Variants in NALF1 observed in about 807,000 individuals in gnomAD.
The protein encoded by NALF1 is family with sequence similarity 155 member A.
NALF1 carries 3 observed loss-of-function variants against 48.4 expected under a neutral mutation model. The ratio of observed to expected loss-of-function variants is 0.06; its 90% CI spans 0.03 to 0.16. The LOEUF is 0.16. Among genes scored for constraint, NALF1 ranks in the 10% least tolerant of loss-of-function variants. The pLI is 1.00. For missense variants in NALF1, 526 were observed against 571.5 expected, an observed-to-expected ratio of 0.92 and a Z score of 0.81; for synonymous variants, 262 against 245.7, an observed-to-expected ratio of 1.07 and a Z score of -0.62.
intron 1 of NALF1, among the ~76,000 whole-genome samples, chr13:107,860,455 G>A (rs1435178649): frequency 6.6e-6 from 1 of 152,142 alleles, no homozygotes; most frequent in Non-Finnish European, 1.5e-5. Flanking sequence ...AGAATCACCA[G>A]GGAGACTTTG....
Position 107,362,624 on chromosome 13 carries a change from C to T in NALF1, c.916-151869G>A, listed in dbSNP as rs776865690. Reference sequence around the variant, plus strand: ...CCTCATCTTAATCATCTGTGAAGGCCTTATTTCCAAATAAGGTCACATTAA... The same window carrying T: ...CCTCATCTTAATCATCTGTGAAGGCTTTATTTCCAAATAAGGTCACATTAA... On this transcript the variant is annotated intron_variant, in intron 1 of 2. Transcript: ENST00000375915. This position sits in a 1 kb window ranked among gnomAD's most constrained non-coding sequence, Gnocchi z 4.6. Among the ~76,000 whole-genome samples, 6 of 152,108 alleles carry T rather than the reference C, an allele frequency of 3.9e-5. No individual in the cohort carries two copies. Among genetic ancestry groups the T allele is most frequent in the African/African-American group, 7.2e-5 (3 of 41,416 alleles).
At chr13:107,596,502 T>C (rs1446256393) in intron 1 of NALF1, among the ~76,000 whole-genome samples, 1 of 152,162 alleles carries the variant, frequency 6.6e-6, no homozygotes, top group Non-Finnish European at 1.5e-5. Flanking sequence ...CAAAAATGTA[T>C]GAGTTCATGT....
chr13:107,457,512 T>C (rs1884843477), intron 1 of NALF1, among the ~76,000 whole-genome samples: 1 of 152,224 alleles, frequency 6.6e-6, no homozygotes, highest in African/African-American at 2.4e-5. Context: ...ATTCCCTGGC[T>C]TAGAACATTT....
chr13:107,827,110 T>G (rs1180863378), intron 1 of NALF1, among the ~76,000 whole-genome samples: 2 of 152,224 alleles, frequency 1.3e-5, no homozygotes, highest in Non-Finnish European at 2.9e-5. Context: ...GTCTCTTGCA[T>G]TAGGATTTAT....
intron 1 of NALF1, among the ~76,000 whole-genome samples, chr13:107,499,078 G>A (rs569319277): frequency 5.3e-5 from 8 of 151,652 alleles, no homozygotes; most frequent in East Asian, 1.9e-4. Context: ...ATAAAAAAAC[G>A]ATCAACACAC....
chr13:107,725,462 C>A (rs1477419961), intron 1 of NALF1, among the ~76,000 whole-genome samples: 1 of 152,218 alleles, frequency 6.6e-6, no homozygotes, highest in Non-Finnish European at 1.5e-5. Context: ...AATCCCAACA[C>A]TTTGGGAGAC....
At chr13:107,589,699 T>C (rs1241327556) in intron 1 of NALF1, among the ~76,000 whole-genome samples, 1 of 152,080 alleles carries the variant, frequency 6.6e-6, no homozygotes. Flanking sequence ...ATACAAAACA[T>C]GAAATTAGAA....
intron 1 of NALF1, among the ~76,000 whole-genome samples, chr13:107,298,145 C>T (rs951158613): frequency 1.3e-5 from 2 of 151,618 alleles, no homozygotes. Context: ...GTCAGGAGAT[C>T]GAGACCATCC....
intron 1 of NALF1, among the ~76,000 whole-genome samples, chr13:107,736,007 T>C (rs149330497): frequency 6.6e-6 from 1 of 152,316 alleles, no homozygotes; most frequent in African/African-American, 2.4e-5. Flanking sequence ...TTATTTTATG[T>C]TGATTTTATA....
At chr13:107,370,657 GTA>G (rs1236045542) in intron 1 of NALF1, among the ~76,000 whole-genome samples, 4 of 152,008 alleles carry the variant, frequency 2.6e-5, no homozygotes. Flanking sequence ...GAGTCAGAGG[GTA>G]TACTGGAAAG....
chr13:107,188,866 A>T (rs1474107754), intron 2 of NALF1, among the ~76,000 whole-genome samples: 1 of 152,208 alleles, frequency 6.6e-6, no homozygotes, highest in East Asian at 1.9e-4. Context: ...TAGAACACAA[A>T]GCACCTAGAT....
chr13:107,333,142 G>A (rs1405830940), intron 1 of NALF1, among the ~76,000 whole-genome samples: 6 of 152,038 alleles, frequency 3.9e-5, no homozygotes, highest in East Asian at 1.9e-4. Flanking sequence ...CACTGTGCCC[G>A]GCCTACATCC....
chr13:107,339,710 A>C (rs1413097927), intron 1 of NALF1, among the ~76,000 whole-genome samples: 1 of 152,202 alleles, frequency 6.6e-6, no homozygotes, highest in Non-Finnish European at 1.5e-5. Context: ...ATGAAATTCC[A>C]CATTTTACTT....
intron 1 of NALF1, among the ~76,000 whole-genome samples, chr13:107,593,852 T>A (rs1201394400): frequency 6.6e-6 from 1 of 151,782 alleles, no homozygotes; most frequent in Non-Finnish European, 1.5e-5. Flanking sequence ...AACTTGTATT[T>A]GTTTAGAGAT....
At chr13:107,620,483 C>G (rs1009000531) in intron 1 of NALF1, among the ~76,000 whole-genome samples, 6 of 152,174 alleles carry the variant, frequency 3.9e-5, no homozygotes, top group African/African-American at 1.4e-4. Context: ...TCCTAATCAG[C>G]TAGACTTTCT....
intron 2 of NALF1, among the ~76,000 whole-genome samples, chr13:107,204,669 C>T (rs542120352): frequency 1.3e-5 from 2 of 152,310 alleles, no homozygotes; most frequent in African/African-American, 4.8e-5. Context: ...ATGTCACGAA[C>T]ATATGAAGTT....
intron 1 of NALF1, among the ~76,000 whole-genome samples, chr13:107,719,964 T>C (rs1875935387): frequency 6.6e-6 from 1 of 152,100 alleles, no homozygotes; most frequent in Non-Finnish European, 1.5e-5. Context: ...CTGCTCATGT[T>C]TCTCTCTTTG....
chr13:107,370,871 T>A (rs568154947), intron 1 of NALF1, among the ~76,000 whole-genome samples: 24 of 152,234 alleles, frequency 1.6e-4, no homozygotes, highest in African/African-American at 5.5e-4. Flanking sequence ...CAGAGTGAAG[T>A]GGTGGGGGAA....
chr13:107,382,509 T>A (rs1883458335), intron 1 of NALF1, among the ~76,000 whole-genome samples: 1 of 152,182 alleles, frequency 6.6e-6, no homozygotes, highest in Non-Finnish European at 1.5e-5. Context: ...AATGTTAACA[T>A]TTTACATAAC....
Sources: allele counts gnomAD v4.1 joint callset (sites outside exome capture counted in the v4.1 genomes callset), GRCh38; gene constraint gnomAD v4.1.1; non-coding constraint Gnocchi (gnomAD v3.1); transcripts MANE v1.5; gene names NCBI Gene and HGNC (gene_info 2026-07-23, HGNC 2026-07-21).